Variants in TTLL13 observed in about 807,000 individuals in gnomAD.
TTLL13 encodes tubulin tyrosine ligase like 13, also known as tubulin polyglutamylase TTLL13.
the TTLL13 span, chr15:90,259,180 T>C: frequency 1.8e-6 from 1 of 561,282 alleles, no homozygotes; most frequent in South Asian, 2.1e-5. Flanking sequence ...CTGGGCAACA[T>C]GTGAGACTCT....
the TTLL13 span, chr15:90,258,050 A>G: frequency 6.2e-7 from 1 of 1,614,036 alleles, no homozygotes; most frequent in Non-Finnish European, 8.5e-7. Flanking sequence ...AGCTGTCGAC[A>G]CTCAACATCT....
the TTLL13 span, among the ~76,000 whole-genome samples, chr15:90,254,030 T>C: frequency 2.6e-5 from 4 of 151,828 alleles, no homozygotes; most frequent in African/African-American, 7.3e-5. Flanking sequence ...CCAGAGGAGG[T>C]TGGGTGTGGT....
At chr15:90,256,777 C>T in the TTLL13 span, among the ~76,000 whole-genome samples, 5 of 152,066 alleles carry the variant, frequency 3.3e-5, no homozygotes, top group Admixed American at 2.0e-4. Flanking sequence ...CAACCTCCGC[C>T]TCCCGGGTTC....
the TTLL13 span, chr15:90,264,759 T>A: frequency 6.5e-7 from 1 of 1,535,874 alleles, no homozygotes; most frequent in African/African-American, 1.4e-5. Flanking sequence ...ATAAACCGAG[T>A]CCTGGCAGGA....
At chr15:90,258,660 A>C in the TTLL13 span, 1 of 1,194,666 alleles carries the variant, frequency 8.4e-7, no homozygotes, top group East Asian at 2.3e-5. Flanking sequence ...GGAATATCTT[A>C]GACCCTCTAG....
chr15:90,254,607 G>A, the TTLL13 span, among the ~76,000 whole-genome samples: 3 of 152,102 alleles, frequency 2.0e-5, no homozygotes, highest in Admixed American at 2.0e-4. Context: ...GGAAGCCAAG[G>A]TGGGCAGATT....
the TTLL13 span, among the ~76,000 whole-genome samples, chr15:90,251,112 G>GTGTTTTTTTTT: frequency 7.2e-5 from 7 of 97,134 alleles, no homozygotes; most frequent in African/African-American, 3.0e-4. Flanking sequence ...ATCCTGGTCT[G>GTGTTTTTTTTT]TCTTTTTTTT....
the TTLL13 span, chr15:90,262,980 G>C: frequency 2.9e-5 from 45 of 1,535,798 alleles, no homozygotes; most frequent in Non-Finnish European, 2.9e-5. Context: ...TGCCGGGACA[G>C]CTGGACACCA....
the TTLL13 span, chr15:90,265,115 G>A: frequency 1.6e-6 from 2 of 1,256,530 alleles, no homozygotes; most frequent in East Asian, 2.6e-5. Context: ...AAAATACAAA[G>A]ACACCAAGAA....
the TTLL13 span, chr15:90,262,578 G>A: frequency 1.3e-6 from 2 of 1,534,778 alleles, no homozygotes; most frequent in African/African-American, 1.4e-5. Flanking sequence ...CAGAACCAGG[G>A]TGAATCAGCT....
the TTLL13 span, among the ~76,000 whole-genome samples, chr15:90,252,040 A>ATTGTTTTTTTTTT: frequency 9.8e-6 from 1 of 101,794 alleles, no homozygotes; most frequent in African/African-American, 3.4e-5. Context: ...TGCTCACCTA[A>ATTGTTTTTTTTTT]TTCTTTTTTT....
At chr15:90,251,280 ATTT>A in the TTLL13 span, among the ~76,000 whole-genome samples, 19 of 109,510 alleles carry the variant, frequency 1.7e-4, no homozygotes, top group South Asian at 2.1e-3. Context: ...CGCATGGCAA[ATTT>A]TTTTTTTTTT....
chr15:90,253,066 C>G, the TTLL13 span, among the ~76,000 whole-genome samples: 1 of 152,050 alleles, frequency 6.6e-6, no homozygotes, highest in Non-Finnish European at 1.5e-5. Context: ...TTGGAAGGGC[C>G]CTGACAGCCC....
the TTLL13 span, chr15:90,257,830 C>T: frequency 8.6e-7 from 1 of 1,158,442 alleles, no homozygotes; most frequent in Non-Finnish European, 1.3e-6. Context: ...CAGGGAAACT[C>T]AGCCTTTATA....
chr15:90,256,759 G>C, the TTLL13 span, among the ~76,000 whole-genome samples: 1 of 151,648 alleles, frequency 6.6e-6, no homozygotes, highest in South Asian at 2.1e-4. Flanking sequence ...CACGATCTCA[G>C]CTCCCTGCAA....
chr15:90,261,943 T>C, the TTLL13 span: 1 of 1,336,144 alleles, frequency 7.5e-7, no homozygotes, highest in Admixed American at 2.6e-5. Context: ...TTAGTCAGTC[T>C]TCCTTTCCCT....
chr15:90,259,443 A>C, the TTLL13 span, among the ~76,000 whole-genome samples: 1 of 152,104 alleles, frequency 6.6e-6, no homozygotes, highest in African/African-American at 2.4e-5. Context: ...AAAAATACAG[A>C]GGGTAGTCTT....
the TTLL13 span, chr15:90,262,187 G>A: frequency 3.9e-6 from 6 of 1,530,778 alleles, no homozygotes; most frequent in Non-Finnish European, 4.4e-6. Flanking sequence ...AGAGGAGTGT[G>A]CCAGGTACTT....
At chr15:90,256,559 TTCTTTCTTTC>T in the TTLL13 span, among the ~76,000 whole-genome samples, 1 of 45,946 alleles carries the variant, frequency 2.2e-5, no homozygotes, top group African/African-American at 1.1e-4. Context: ...CTTTCTTTCT[TTCTTTCTTTC>T]TTTCTTTCTT....
Sources: gnomAD v4.1 joint callset for allele counts (sites outside exome capture counted in the v4.1 genomes callset) on GRCh38, gnomAD v4.1.1 for gene constraint, MANE v1.5 for transcripts, NCBI Gene and HGNC (gene_info 2026-07-23, HGNC 2026-07-21) for gene names.